KCNJ6: variants seen among roughly 807,000 people sequenced by gnomAD.
KCNJ6 encodes the protein G protein-activated inward rectifier potassium channel 2.
Under a neutral mutation model 34.2 loss-of-function variants are expected in KCNJ6, and 9 were observed. The observed-to-expected ratio is 0.26, with a 90% CI of 0.16 to 0.46. The LOEUF is 0.46. Ranked by LOEUF, KCNJ6 falls within the 20% of genes least tolerant of loss-of-function variation. The pLI is 1.00. For synonymous variants in KCNJ6, 196 were observed against 207.1 expected, an observed-to-expected ratio of 0.95 and a Z score of 0.46; for missense variants, 236 against 531.3, an observed-to-expected ratio of 0.44 and a Z score of 5.46.
At position 37,661,829 on chromosome 21, in the gene KCNJ6, C is replaced by T. The variant is rs187746089; in HGVS notation, c.947-36345G>A. Among the ~76,000 whole-genome samples, 402 of 151,156 alleles carry T rather than the reference C, an allele frequency of 2.7e-3. 1 individual carries two copies. The highest frequency in any genetic ancestry group is 6.8e-3 in the Middle Eastern group (2 of 294). ...TTTTTTAGTACAGACGGGGTTTCAC[C>T]GTGTTAGTTGGGATGGTCTCGATCT... On this transcript the variant is annotated intron_variant, in intron 3 of 3. Transcript: ENST00000609713.
At chr21:37,636,472 C>T in intron 3 of KCNJ6, among the ~76,000 whole-genome samples, 1 of 152,224 alleles carries the variant, frequency 6.6e-6, no homozygotes, top group East Asian at 1.9e-4. Flanking sequence ...GAGAGCTTCT[C>T]TGTCTGGATG....
intron 3 of KCNJ6, among the ~76,000 whole-genome samples, chr21:37,632,970 C>T (rs528826111): frequency 6.6e-6 from 1 of 151,964 alleles, no homozygotes; most frequent in East Asian, 1.9e-4. Context: ...AGAATCATTT[C>T]CTAACTCATT....
intron 3 of KCNJ6, among the ~76,000 whole-genome samples, chr21:37,670,879 T>C (rs1225576712): frequency 2.0e-5 from 3 of 147,780 alleles, no homozygotes; most frequent in African/African-American, 7.6e-5. Flanking sequence ...GACCTTATGA[T>C]TTTCAGTATA....
At chr21:37,802,268 G>C (rs774077803) in intron 2 of KCNJ6, among the ~76,000 whole-genome samples, 1 of 152,190 alleles carries the variant, frequency 6.6e-6, no homozygotes, top group Non-Finnish European at 1.5e-5. Context: ...CTGGGAGACT[G>C]TGGCAGGCTA....
chr21:37,714,721 A>G lies in KCNJ6; in HGVS notation c.436T>C (p.Ser146Pro). The change falls in exon 3 of 4, where the codon TCA becomes CCA. Residue 146 changes from serine to proline, a missense_variant. By Grantham distance (74) the Ser-to-Pro change is moderately conservative (BLOSUM62 -1). Around this residue, in one of 5 missense-constraint regions of KCNJ6, gnomAD observed 68 missense variants for 165.7 expected, o/e 0.41. Transcript: ENST00000609713. This position sits in a 1 kb window ranked among gnomAD's most constrained non-coding sequence, Gnocchi z 5.9. ...CCAATGGTGGTTTCTGTCTCTATTG[A>G]GAATAAAAAAGCAGAGACGAACCCG... ...LNGFVSAFLF[S>P]IETETTIGYG... The G allele has an allele frequency of 6.2e-7, 1 of 1,614,046 alleles. No individual in the cohort carries two copies. Among genetic ancestry groups the G allele is most frequent in the Non-Finnish European group, 8.5e-7 (1 of 1,180,000 alleles).
At chr21:37,897,349 C>T (rs965184027) in intron 1 of KCNJ6, among the ~76,000 whole-genome samples, 7 of 152,188 alleles carry the variant, frequency 4.6e-5, no homozygotes, top group Non-Finnish European at 7.4e-5. Flanking sequence ...CAGTGACCCC[C>T]GATGACAGCC....
intron 3 of KCNJ6, among the ~76,000 whole-genome samples, chr21:37,652,043 GATAGA>G (rs1001331593): frequency 1.3e-5 from 2 of 152,174 alleles, no homozygotes; most frequent in Admixed American, 1.3e-4. Context: ...GAGAATTGGA[GATAGA>G]ATAGAGTGAG....
At chr21:37,730,736 A>T (rs1388487269) in intron 2 of KCNJ6, among the ~76,000 whole-genome samples, 1 of 152,188 alleles carries the variant, frequency 6.6e-6, no homozygotes, top group African/African-American at 2.4e-5. Flanking sequence ...TGCATTCTAC[A>T]CTGTGGACAA....
At chr21:37,684,151 G>A (rs896998994) in intron 3 of KCNJ6, among the ~76,000 whole-genome samples, 21 of 146 alleles carry the variant, frequency 0.14, no homozygotes, top group African/African-American at 0.35. Context: ...CACAGTTCTG[G>A]AGGCTGGAAG....
chr21:37,649,094 T>C (rs992800323), intron 3 of KCNJ6, among the ~76,000 whole-genome samples: 14 of 137,516 alleles, frequency 1.0e-4, no homozygotes, highest in African/African-American at 4.0e-4. Context: ...GATTGTGCCA[T>C]TGCACTCCAG....
chr21:37,830,704 C>G (rs982367454), intron 2 of KCNJ6, among the ~76,000 whole-genome samples: 1 of 152,106 alleles, frequency 6.6e-6, no homozygotes, highest in Non-Finnish European at 1.5e-5. Flanking sequence ...TGAGGGGCAA[C>G]GTGATCTCCA....
At chr21:37,846,992 T>C (rs1194571448) in intron 1 of KCNJ6, among the ~76,000 whole-genome samples, 1 of 152,212 alleles carries the variant, frequency 6.6e-6, no homozygotes. Flanking sequence ...GTTCTCTTAG[T>C]ACAGCATCAT....
At chr21:37,683,463 C>T (rs1787408) in intron 3 of KCNJ6, among the ~76,000 whole-genome samples, 127,640 of 152,162 alleles carry the variant, frequency 0.84, 54,266 homozygotes, top group African/African-American at 0.96. Flanking sequence ...CCCTCCTCCT[C>T]CTCTGTCTTC....
chr21:37,817,796 C>T (rs1465804435), intron 2 of KCNJ6, among the ~76,000 whole-genome samples: 1 of 152,208 alleles, frequency 6.6e-6, no homozygotes, highest in East Asian at 1.9e-4. Flanking sequence ...CTCCCTGGCT[C>T]ACTTGGGAGG....
At chr21:37,739,015 TTGCA>T (rs1234122925) in intron 2 of KCNJ6, among the ~76,000 whole-genome samples, 2 of 152,224 alleles carry the variant, frequency 1.3e-5, no homozygotes, top group Non-Finnish European at 2.9e-5. Flanking sequence ...TGCTTGTCTC[TTGCA>T]GACCTGTGCT....
At position 37,840,696 on chromosome 21, in the gene KCNJ6, T is replaced by C; in HGVS notation, c.-14A>G. On this transcript the variant is annotated 5_prime_UTR_variant, in exon 2 of 4. Coordinates refer to ENST00000609713, the MANE Select transcript of KCNJ6 (RefSeq NM_002240.5). The stretch of plus-strand genomic sequence containing the variant: ...CAGCTTGGCCATTGTTGCAGTTTCT[T>C]CTTTGTGCTTTTCCTGGAGGTGAGA... The C allele has an allele frequency of 6.3e-7, 1 of 1,588,372 alleles. No individual in the cohort carries two copies. Among genetic ancestry groups the C allele is most frequent in the Non-Finnish European group, 8.6e-7 (1 of 1,159,134 alleles).
At chr21:37,844,096 G>A in intron 1 of KCNJ6, among the ~76,000 whole-genome samples, 1 of 143,718 alleles carries the variant, frequency 7.0e-6, no homozygotes, top group Non-Finnish European at 1.5e-5. Flanking sequence ...GTCTTGCTCT[G>A]TTGCCAGGCT....
intron 2 of KCNJ6, among the ~76,000 whole-genome samples, chr21:37,837,912 G>C (rs2055460074): frequency 6.6e-6 from 1 of 152,036 alleles, no homozygotes; most frequent in South Asian, 2.1e-4. Context: ...TGAAATGTTT[G>C]GTATGTTGAC....
intron 2 of KCNJ6, among the ~76,000 whole-genome samples, chr21:37,807,178 T>C (rs1382808141): frequency 6.6e-6 from 1 of 152,248 alleles, no homozygotes; most frequent in Non-Finnish European, 1.5e-5. Context: ...ACTTACCCCA[T>C]ATGTCGGGAA....
Sources: gnomAD v4.1 joint callset for allele counts (sites outside exome capture counted in the v4.1 genomes callset) on GRCh38, gnomAD v4.1.1 for gene constraint, gnomAD v4.1.1 regional missense constraint, Gnocchi (gnomAD v3.1) non-coding constraint, MANE v1.5 for transcripts, NCBI Gene and HGNC (gene_info 2026-07-23, HGNC 2026-07-21) for gene names.